Variants in PTPRU observed in about 807,000 individuals in gnomAD.
PTPRU encodes protein tyrosine phosphatase receptor type U, also known as receptor-type tyrosine-protein phosphatase U.
Under a neutral mutation model 166.3 loss-of-function variants are expected in PTPRU, and 69 were observed. The observed-to-expected ratio is 0.41, with a 90% confidence interval of 0.34 to 0.51. The LOEUF is 0.51. Among genes scored for constraint, PTPRU ranks in the 20% least tolerant of loss-of-function variants. PTPRU has a pLI of 0.09. For missense variants in PTPRU, 1,657 were observed against 2,013.7 expected, an observed-to-expected ratio of 0.82 and a Z score of 3.39; for synonymous variants, 793 against 814.0, an observed-to-expected ratio of 0.97 and a Z score of 0.44.
chr1:29,304,892 G>A (rs747272719), intron 17 of PTPRU, 43 bp downstream of exon 17: 11 of 1,526,872 alleles, frequency 7.2e-6, no homozygotes, highest in African/African-American at 6.9e-5. Flanking sequence ...CAGTGGGTGG[G>A]AGGGCATCAG....
intron 7 of PTPRU, among the ~76,000 whole-genome samples, chr1:29,264,690 G>T (rs532784459): frequency 6.4e-4 from 98 of 152,172 alleles, no homozygotes; most frequent in Admixed American, 4.0e-3. Context: ...ATTTTTGGTA[G>T]AGACAGGGTT....
chr1:29,310,721 C>T (rs201788753), intron 18 of PTPRU, 23 bp from the exon 19 acceptor site: 33 of 1,611,622 alleles, frequency 2.0e-5, no homozygotes, highest in East Asian at 4.5e-5. Flanking sequence ...GGGGTCTAAC[C>T]GTGCCCTCTC....
chr1:29,325,775 C>T lies in PTPRU; in HGVS notation c.*114C>T. ...CCCAAACACACTCCCATGGGGCAAG[C>T]ACTGGAGTGGATGCTGGGCTATCTT... On this transcript the variant is annotated 3_prime_UTR_variant, in exon 30 of 30. Coordinates refer to ENST00000373779, the MANE Select transcript of PTPRU (RefSeq NM_133178.4). The T allele has an allele frequency of 1.7e-6, 2 of 1,161,372 alleles. No homozygotes were observed. Among genetic ancestry groups the T allele is most frequent in the African/African-American group, 3.1e-5 (2 of 64,622 alleles). 71.9% of individuals were successfully genotyped at this position (1,161,372 alleles called of 1,614,324 possible).
In PTPRU at chr1:29,260,578, G is replaced by C. The variant is rs780716626; in HGVS notation, c.851-32G>C. ...GTGCTGGGGTCTCACAGCAGCATCG[G>C]TCCGCCTCGCCTCTCCCCCATCTCC... is the stretch of plus-strand genomic sequence containing the variant. On this transcript the variant is annotated intron_variant, in intron 6 of 29. Transcript: ENST00000373779. The surrounding 1 kb of genome is among the most constrained non-coding windows in gnomAD (Gnocchi z 8.3). 1.4e-6 allele frequency: 2 copies of C among 1,467,840 alleles called. No individual in the cohort carries two copies. Among genetic ancestry groups the C allele is most frequent in the African/African-American group, 2.9e-5 (2 of 69,150 alleles). The allele number at this position is 1,467,840 out of a possible 1,614,324, so 90.9% of individuals were successfully genotyped here.
Position 29,258,793 on chromosome 1 carries a change from C to A in PTPRU, c.477+17C>A. On this transcript the variant is annotated intron_variant, in intron 3 of 29. Transcript: ENST00000373779. ...GAATATCAGGTGGGCTGGGTTCAGT[C>A]AGCGGTCAGCCTGTGCCTGGAGGTG... 2 of 1,553,938 alleles carry A rather than the reference C, an allele frequency of 1.3e-6. No homozygotes were observed. Among genetic ancestry groups the A allele is most frequent in the South Asian group, 1.2e-5 (1 of 80,540 alleles).
Position 29,317,698 on chromosome 1 carries a change from C to A in PTPRU, c.3514-50C>A. 6.5e-7 allele frequency: 1 copy of A among 1,532,106 alleles called. No homozygotes were observed. The highest frequency in any genetic ancestry group is 1.2e-5 in the South Asian group (1 of 82,738). The allele number at this position is 1,532,106 out of a possible 1,614,324, so 94.9% of individuals were successfully genotyped here. ...CCTCCTTCATGGGGATGTGAGGAGG[C>A]CCAGCAAGCCCTGGACGTAACTCTC... On this transcript the variant is annotated intron_variant, in intron 24 of 29. Coordinates refer to ENST00000373779, the MANE Select transcript of PTPRU (RefSeq NM_133178.4). This position sits in a 1 kb window ranked among gnomAD's most constrained non-coding sequence, Gnocchi z 5.6.
intron 15 of PTPRU, among the ~76,000 whole-genome samples, chr1:29,303,256 G>A (rs1159300758): frequency 2.6e-5 from 4 of 152,152 alleles, no homozygotes; most frequent in Non-Finnish European, 2.9e-5. Flanking sequence ...CTGGGGGCTC[G>A]GGGGAGGATG....
intron 11 of PTPRU, among the ~76,000 whole-genome samples, chr1:29,282,016 C>T (rs989454826): frequency 1.3e-5 from 2 of 152,194 alleles, no homozygotes; most frequent in African/African-American, 4.8e-5. Context: ...CCAGAGTGGG[C>T]AGTCAGGATC....
At chr1:29,269,219 C>CATATATATATATAT (rs1239721913) in intron 7 of PTPRU, among the ~76,000 whole-genome samples, 3 of 42,398 alleles carry the variant, frequency 7.1e-5, no homozygotes, top group African/African-American at 2.9e-4. Flanking sequence ...AATTTATATA[C>CATATATATATATAT]ATATATATAT....
At chr1:29,256,592 G>A (rs1246767320) in intron 2 of PTPRU, among the ~76,000 whole-genome samples, 6 of 152,208 alleles carry the variant, frequency 3.9e-5, no homozygotes, top group African/African-American at 1.4e-4. Context: ...GGCTTGCCCC[G>A]CCTCCCCTTC....
In PTPRU at chr1:29,238,585, A is replaced by G. The variant is rs987756992; in HGVS notation, c.73+1868A>G. On this transcript the variant is annotated intron_variant, in intron 1 of 29. Coordinates refer to ENST00000373779, the MANE Select transcript of PTPRU (RefSeq NM_133178.4). This position sits in a 1 kb window ranked among gnomAD's most constrained non-coding sequence, Gnocchi z 6.1. ...CCAGCGTTCGCGCCGGCCACTGGCC[A>G]GCGCTTGGGCCTCGCCCTGCAGCTC... Among the ~76,000 whole-genome samples the G allele has an allele frequency of 2.0e-5, 3 of 152,164 alleles. No individual in the cohort carries two copies. The highest frequency in any genetic ancestry group is 6.5e-5 in the Admixed American group (1 of 15,286).
intron 24 of PTPRU, 117 bp downstream of exon 24, chr1:29,316,268 C>T (rs1470017024): frequency 4.8e-6 from 6 of 1,248,978 alleles, no homozygotes; most frequent in Middle Eastern, 5.6e-4. Flanking sequence ...CCTGAGGCCA[C>T]AGCTGGAGGG....
At chr1:29,284,664 AC>A in intron 13 of PTPRU, 66 bp from the exon 14 acceptor site, 4 of 1,610,134 alleles carry the variant, frequency 2.5e-6, no homozygotes, top group Non-Finnish European at 3.4e-6. Context: ...GGGCACAGCC[AC>A]CTACAGGAGG....
At chr1:29,301,383 T>A (rs1204740836) in intron 15 of PTPRU, among the ~76,000 whole-genome samples, 1 of 152,214 alleles carries the variant, frequency 6.6e-6, no homozygotes, top group Non-Finnish European at 1.5e-5. Flanking sequence ...ATAAACCTAC[T>A]GCATTGTCAG....
chr1:29,297,051 T>TG (rs1686917199), intron 15 of PTPRU, among the ~76,000 whole-genome samples: 2 of 137,140 alleles, frequency 1.5e-5, no homozygotes, highest in African/African-American at 5.9e-5. Context: ...GCTTAGTAGC[T>TG]GTTTTTTTTT....
intron 1 of PTPRU, among the ~76,000 whole-genome samples, chr1:29,253,143 G>T: frequency 6.6e-6 from 1 of 152,244 alleles, no homozygotes; most frequent in Non-Finnish European, 1.5e-5. Flanking sequence ...GAGATGCATA[G>T]GGTGAGGTAT....
intron 26 of PTPRU, chr1:29,323,106 A>C (rs1688236571): frequency 1.8e-5 from 8 of 435,036 alleles, no homozygotes; most frequent in South Asian, 1.7e-4. Flanking sequence ...GCTGCACAGC[A>C]GTAGGCATCA....
intron 15 of PTPRU, among the ~76,000 whole-genome samples, chr1:29,298,040 T>C (rs760392868): frequency 3.9e-5 from 6 of 152,016 alleles, no homozygotes; most frequent in Admixed American, 6.6e-5. Context: ...GGCAGATTGC[T>C]TGAGGTTAGG....
chr1:29,261,771 G>A (rs1477785390), intron 7 of PTPRU, among the ~76,000 whole-genome samples: 2 of 151,870 alleles, frequency 1.3e-5, no homozygotes, highest in African/African-American at 2.4e-5. Flanking sequence ...GACCTCAGGT[G>A]ATCCACCCGC....
Sources: gnomAD v4.1 joint callset for allele counts (sites outside exome capture counted in the v4.1 genomes callset) on GRCh38, gnomAD v4.1.1 for gene constraint, Gnocchi (gnomAD v3.1) non-coding constraint, MANE v1.5 for transcripts, NCBI Gene and HGNC (gene_info 2026-07-23, HGNC 2026-07-21) for gene names.